Variants in VWCE observed in about 807,000 individuals in gnomAD.
VWCE encodes von Willebrand factor C and EGF domains.
Under a neutral mutation model 102.9 loss-of-function variants are expected in VWCE, and 68 were observed. The ratio of observed to expected loss-of-function variants is 0.66; its 90% CI spans 0.54 to 0.81. The LOEUF is 0.81. VWCE is among the 30% of genes least tolerant of loss of function. The pLI is 0.00. For synonymous variants in VWCE, 497 were observed against 515.4 expected (o/e 0.96, Z 0.48); for missense variants, 1,137 against 1,263.6 (o/e 0.90, Z 1.52).
chr11:61,270,777 A>C (rs991035150), intron 14 of VWCE, among the ~76,000 whole-genome samples: 1 of 148,492 alleles, frequency 6.7e-6, no homozygotes, highest in African/African-American at 2.5e-5. Context: ...CCTAATTCTT[A>C]CTCCTCATGC....
At chr11:61,268,122 T>A (rs1288230549) in intron 15 of VWCE, among the ~76,000 whole-genome samples, 5 of 150,304 alleles carry the variant, frequency 3.3e-5, no homozygotes, top group South Asian at 2.1e-4. Flanking sequence ...ATATATATAT[T>A]ATATATATAA....
intron 4 of VWCE, 71 bp from the exon 5 acceptor site, chr11:61,286,501 G>C: frequency 2.1e-6 from 3 of 1,456,730 alleles, no homozygotes; most frequent in Non-Finnish European, 2.9e-6. Flanking sequence ...GTCAGTGTCT[G>C]GGAAGAAAGC....
intron 9 of VWCE, among the ~76,000 whole-genome samples, chr11:61,279,302 G>T (rs1367050461): frequency 2.6e-5 from 4 of 152,090 alleles, no homozygotes; most frequent in Non-Finnish European, 5.9e-5. Context: ...AGGCCCAGCG[G>T]CTCATGCCTG....
At chr11:61,273,381 G>A in intron 12 of VWCE, 65 bp from the exon 13 acceptor site, 2 of 1,473,086 alleles carry the variant, frequency 1.4e-6, no homozygotes, top group South Asian at 1.3e-5. Flanking sequence ...TGGAGAGCTA[G>A]AGGAGGCCGC....
At chr11:61,288,307 C>T (rs1354527343) in intron 4 of VWCE, among the ~76,000 whole-genome samples, 2 of 152,050 alleles carry the variant, frequency 1.3e-5, no homozygotes, top group African/African-American at 4.8e-5. Context: ...TCATGCCATC[C>T]CTTCCCTGCC....
At chr11:61,274,952 A>C (rs1438159144) in intron 11 of VWCE, among the ~76,000 whole-genome samples, 2 of 152,148 alleles carry the variant, frequency 1.3e-5, no homozygotes, top group Non-Finnish European at 2.9e-5. Context: ...TGTCCTAGCT[A>C]ATCAGGAGGC....
At position 61,259,068 on chromosome 11, in the gene VWCE, T is replaced by C. The variant is rs1253230565; in HGVS notation, c.2475A>G (p.Ser825=). The change falls in exon 20 of 20, where the codon TCA becomes TCG. Residue 825 remains serine (S), a synonymous_variant. Transcript: ENST00000335613. ...TSPAGAHGPH[S]LALGLTATFP... ...AAGTGGCTGTCAGCCCCAAAGCGAG[T>C]GAGTGTGGACCATGAGCTCCTGCCG... 6.2e-7 allele frequency: 1 copy of C among 1,613,340 alleles called. No homozygotes were observed. The highest frequency in any genetic ancestry group is 1.7e-5 in the Admixed American group (1 of 59,980).
rs184483381 is a variant in VWCE at position 61,268,662 on chromosome 11, G to A, written c.1882+260C>T. Among the ~76,000 whole-genome samples the A allele has an allele frequency of 1.1e-3, 174 of 152,318 alleles. 2 individuals are homozygous for A. Among genetic ancestry groups the A allele is most frequent in the Admixed American group, 3.3e-3 (51 of 15,286 alleles). On this transcript the variant is annotated intron_variant, in intron 15 of 19. Transcript: ENST00000335613. ...TGACTGTTAAAACTTCTCTCCTCCT[G>A]CTGTTCTCCAATTGTCTCACAGGTG... is the stretch of plus-strand genomic sequence containing the variant.
intron 7 of VWCE, 99 bp downstream of exon 7, chr11:61,281,687 A>G (rs1177245233): frequency 2.3e-6 from 3 of 1,304,284 alleles, no homozygotes; most frequent in Non-Finnish European, 2.9e-6. Flanking sequence ...GGGCGCCGGG[A>G]GGGCGTGACG....
chr11:61,264,620 T>C (rs1310314782), intron 18 of VWCE, 43 bp from the exon 19 acceptor site: 2 of 1,563,852 alleles, frequency 1.3e-6, no homozygotes, highest in East Asian at 2.3e-5. Flanking sequence ...CCAGAGCATC[T>C]TGCCTGCCCT....
intron 9 of VWCE, among the ~76,000 whole-genome samples, chr11:61,280,271 C>T (rs1187939860): frequency 6.6e-6 from 1 of 151,968 alleles, no homozygotes; most frequent in Non-Finnish European, 1.5e-5. Flanking sequence ...TAAAGAGGCT[C>T]AATGAATGAC....
intron 12 of VWCE, among the ~76,000 whole-genome samples, chr11:61,274,230 G>A (rs1854832816): frequency 6.6e-6 from 1 of 152,094 alleles, no homozygotes; most frequent in African/African-American, 2.4e-5. Flanking sequence ...CTAGGCAGTG[G>A]GCTTCCGGAC....
intron 7 of VWCE, 129 bp downstream of exon 7, chr11:61,281,657 G>A: frequency 7.9e-7 from 1 of 1,272,300 alleles, no homozygotes; most frequent in Non-Finnish European, 1.0e-6. Flanking sequence ...GGCGGGGCCA[G>A]GAGCTGAGAG....
Position 61,258,701 on chromosome 11 carries a change from A to G in VWCE, c.2842T>C (p.Ser948Pro), listed in dbSNP as rs908755522. 1 of 1,390,860 alleles carries G rather than the reference A, an allele frequency of 7.2e-7. No homozygotes were observed. Among genetic ancestry groups the G allele is most frequent in the Admixed American group, 2.7e-5 (1 of 36,562 alleles). 86.2% of individuals were successfully genotyped at this position (1,390,860 alleles called of 1,614,324 possible). A position where few individuals can be genotyped will look rare whatever the true frequency, so the allele number is the denominator to read the frequency against. The stretch of plus-strand genomic sequence containing the variant: ...TACATGGTGGACTCTTCCCCCCGAG[A>G]AGCCCCCACTGGGGGCTGCTGGGGG... ...PGPQQPPVGA[S>P]RGEESTM Residue 948 changes from serine to proline, a missense_variant, in exon 20 of 20, where the codon TCT becomes CCT. Transcript: ENST00000335613.
intron 10 of VWCE, among the ~76,000 whole-genome samples, chr11:61,277,329 C>T (rs1854960108): frequency 6.6e-6 from 1 of 151,784 alleles, no homozygotes. Context: ...ATGGTCATGA[C>T]CCGGTGCAGT....
Position 61,271,744 on chromosome 11 carries a change from G to C in VWCE, c.1716C>G (p.Asp572Glu). The change falls in exon 14 of 20, where the codon GAC (aspartate) becomes GAG (glutamate). Residue 572 changes from aspartate to glutamate, a missense_variant. Physicochemically the swap from Asp to Glu is conservative, Grantham distance 45. Around this residue, in one of 5 missense-constraint regions of VWCE, gnomAD observed 212 missense variants for 235.1 expected, o/e 0.90. Transcript: ENST00000335613. ...GTCCAATCGGAAACTCAACCCCGTT[G>C]TCGTCAAGAGAGCAGCCTGGATGAG... ...PTPSTGCSLDDNGVEFPIGQI... is the reference protein window; with the variant it reads ...PTPSTGCSLDENGVEFPIGQI... 1 of 1,613,468 alleles carries C rather than the reference G, an allele frequency of 6.2e-7. No homozygotes were observed. Among genetic ancestry groups the C allele is most frequent in the Non-Finnish European group, 8.5e-7 (1 of 1,179,740 alleles).
chr11:61,289,977 T>C (rs1321545938), intron 4 of VWCE, among the ~76,000 whole-genome samples: 1 of 152,252 alleles, frequency 6.6e-6, no homozygotes, highest in Non-Finnish European at 1.5e-5. Context: ...GTAACAGATT[T>C]TGTCCGTAGA....
chr11:61,264,615 G>T (rs1283611017), intron 18 of VWCE, 38 bp from the exon 19 acceptor site: 2 of 1,575,438 alleles, frequency 1.3e-6, no homozygotes, highest in Non-Finnish European at 1.7e-6. Flanking sequence ...GAAGCCCAGA[G>T]CATCTTGCCT....
intron 7 of VWCE, 51 bp downstream of exon 7, chr11:61,281,735 G>A: frequency 6.4e-7 from 1 of 1,565,538 alleles, no homozygotes; most frequent in Non-Finnish European, 8.7e-7. Flanking sequence ...AGCTGGGGCA[G>A]GCACTGAGGG....
Sources: gnomAD v4.1 joint callset for allele counts (sites outside exome capture counted in the v4.1 genomes callset) on GRCh38, gnomAD v4.1.1 for gene constraint, gnomAD v4.1.1 regional missense constraint, MANE v1.5 for transcripts, NCBI Gene and HGNC (gene_info 2026-07-23, HGNC 2026-07-21) for gene names.